PLSCR4: variants seen among roughly 807,000 people sequenced by gnomAD.
PLSCR4 encodes the protein phospholipid scramblase 4.
A neutral mutation model predicts 36.3 loss-of-function variants in PLSCR4; 25 were observed. The ratio of observed to expected loss-of-function variants is 0.69; its 90% CI spans 0.50 to 0.96. The LOEUF (loss-of-function observed/expected upper bound fraction) is 0.96, where lower values mean the gene tolerates loss of function less well. PLSCR4 is among the 40% of genes least tolerant of loss of function. The pLI, the probability that PLSCR4 is intolerant of heterozygous loss-of-function variation, is 0.00. For synonymous variants in PLSCR4, 122 were observed against 132.9 expected (o/e 0.92, Z 0.56); for missense variants, 408 against 414.7 (o/e 0.98, Z 0.14).
At chr3:146,246,003 TTAA>T (rs1175791057) in intron 1 of PLSCR4, among the ~76,000 whole-genome samples, 1 of 152,068 alleles carries the variant, frequency 6.6e-6, no homozygotes, top group East Asian at 1.9e-4. Flanking sequence ...TATGAGTGGA[TTAA>T]AGTCCAATGA....
At chr3:146,216,004 G>A (rs1182132497) in intron 3 of PLSCR4, among the ~76,000 whole-genome samples, 1 of 152,180 alleles carries the variant, frequency 6.6e-6, no homozygotes, top group African/African-American at 2.4e-5. Flanking sequence ...GCCGAGGTGA[G>A]TGGATCACCT....
At chr3:146,206,783 G>C in intron 3 of PLSCR4, 22 bp from the exon 4 acceptor site, 2 of 1,442,998 alleles carry the variant, frequency 1.4e-6, no homozygotes, top group Non-Finnish European at 1.9e-6. Context: ...AGAAATCAAA[G>C]TGTTATATAT....
In PLSCR4 at chr3:146,220,810, C is replaced by A. The variant is rs757100114; in HGVS notation, c.118+5G>T. On this transcript the variant is annotated splice_donor_5th_base_variant and intron_variant, in intron 3 of 8. Coordinates refer to ENST00000354952, the MANE Select transcript of PLSCR4 (RefSeq NM_020353.3). Reference sequence around the variant, plus strand: ...GAGAATATCTTTTATGAATATTTAACCCACCTGGTAAAAAATGAGAATTGT... The same window carrying A: ...GAGAATATCTTTTATGAATATTTAAACCACCTGGTAAAAAATGAGAATTGT... 7 of 1,540,922 alleles carry A rather than the reference C, an allele frequency of 4.5e-6. No homozygotes were observed. Among genetic ancestry groups the A allele is most frequent in the Non-Finnish European group, 1.8e-6 (2 of 1,114,852 alleles).
chr3:146,222,213 C>A (rs1222076273), intron 1 of PLSCR4, 121 bp from the exon 2 acceptor site: 2 of 389,798 alleles, frequency 5.1e-6, no homozygotes, highest in South Asian at 1.3e-4. Flanking sequence ...ACATTTGTCC[C>A]TTCATTAATT....
chr3:146,210,847 GT>G (rs33931243), intron 3 of PLSCR4, among the ~76,000 whole-genome samples: 52,314 of 147,898 alleles, frequency 0.35, 9,305 homozygotes, highest in South Asian at 0.46. Context: ...CTTTATGTCT[GT>G]TTTTTTTTTT....
chr3:146,213,523 A>G (rs1334928025), intron 3 of PLSCR4, among the ~76,000 whole-genome samples: 1 of 151,998 alleles, frequency 6.6e-6, no homozygotes, highest in African/African-American at 2.4e-5. Context: ...GGATTTCGCC[A>G]TGTTGGTCAG....
intron 4 of PLSCR4, among the ~76,000 whole-genome samples, chr3:146,201,420 GTC>G (rs1191028921): frequency 2.0e-5 from 3 of 151,986 alleles, no homozygotes; most frequent in Non-Finnish European, 4.4e-5. Context: ...CTACTCACTG[GTC>G]TCTCTACATG....
At chr3:146,213,444 G>A (rs1295548993) in intron 3 of PLSCR4, among the ~76,000 whole-genome samples, 1 of 145,750 alleles carries the variant, frequency 6.9e-6, no homozygotes, top group Admixed American at 7.3e-5. Flanking sequence ...CCATTCTCCT[G>A]TCTCAGTGTC....
chr3:146,206,550 A>C lies in PLSCR4; in HGVS notation c.330T>G (p.Pro110=). 1 of 1,612,336 alleles carries C rather than the reference A, an allele frequency of 6.2e-7. No individual in the cohort carries two copies. Among genetic ancestry groups the C allele is most frequent in the Non-Finnish European group, 8.5e-7 (1 of 1,178,548 alleles). The change falls in exon 4 of 9, where the codon CCT becomes CCG. Residue 110 remains proline, a synonymous_variant. Coordinates refer to ENST00000354952, the MANE Select transcript of PLSCR4 (RefSeq NM_020353.3). ...CCTGAACTAAGTATTCCAGACCAGGAGGGCAGTTTGCCATAGGAGTTGGCC... is the reference window on the plus strand; with the variant it reads ...CCTGAACTAAGTATTCCAGACCAGGCGGGCAGTTTGCCATAGGAGTTGGCC... The part of the protein sequence containing the change: ...MPGPTPMANC[P]PGLEYLVQLD...
At chr3:146,214,488 CAT>C (rs1356922689) in intron 3 of PLSCR4, among the ~76,000 whole-genome samples, 1 of 151,606 alleles carries the variant, frequency 6.6e-6, no homozygotes, top group South Asian at 2.1e-4. Context: ...TTCTTTAGCT[CAT>C]ATGTTTTGGC....
chr3:146,220,842 G>A lies in PLSCR4; in HGVS notation c.91C>T (p.Pro31Ser). The change falls in exon 3 of 9, where the codon CCT (proline) becomes TCT (serine). Residue 31 changes from proline to serine, a missense_variant. Physicochemically the swap from Pro to Ser is moderately conservative, Grantham distance 74. Coordinates refer to ENST00000354952, the MANE Select transcript of PLSCR4 (RefSeq NM_020353.3). ...GGTAAAAAATGAGAATTGTATTCAG[G>A]AGGAGCATCAGGCCTTGGATCTGGT... ...KPPDPRPDAP[P>S]EYNSHFLPGP... 1 of 1,611,316 alleles carries A rather than the reference G, an allele frequency of 6.2e-7. No individual in the cohort carries two copies. Among genetic ancestry groups the A allele is most frequent in the Non-Finnish European group, 8.5e-7 (1 of 1,177,626 alleles).
rs116266281 is a variant in PLSCR4, at chr3:146,204,277, A to G, written c.354+2249T>C. ...CTTCATGTGAGATCTCAAAAAGACT[A>G]GGGTAGATAGAGGAAAAAGATTGGC... is the stretch of plus-strand genomic sequence containing the variant. On this transcript the variant is annotated intron_variant, in intron 4 of 8. Coordinates refer to ENST00000354952, the MANE Select transcript of PLSCR4 (RefSeq NM_020353.3). Among the ~76,000 whole-genome samples the G allele has an allele frequency of 5.8e-3, 879 of 151,928 alleles. 11 individuals are homozygous for G. The highest frequency in any genetic ancestry group is 0.02 in the African/African-American group (844 of 41,430).
intron 1 of PLSCR4, among the ~76,000 whole-genome samples, chr3:146,233,490 T>G (rs2035800354): frequency 6.6e-6 from 1 of 152,104 alleles, no homozygotes; most frequent in Non-Finnish European, 1.5e-5. Flanking sequence ...TAGAGAAGTT[T>G]TAAGGCATTT....
At position 146,195,181 on chromosome 3, in the gene PLSCR4, G is replaced by A; in HGVS notation, c.888C>T (p.Phe296=). Residue 296 remains phenylalanine, a synonymous_variant, in exon 8 of 9, where the codon TTC becomes TTT. Coordinates refer to ENST00000354952, the MANE Select transcript of PLSCR4 (RefSeq NM_020353.3). The part of the protein sequence containing the change: ...MADADHFDIH[F]PLDLDVKMKA... ...TCATCTTCACATCCAGGTCTAGTGG[G>A]AAGTGAATGTCAAAATGGTCAGCAT... 1 of 1,613,828 alleles carries A rather than the reference G, an allele frequency of 6.2e-7. No homozygotes were observed. The highest frequency in any genetic ancestry group is 8.5e-7 in the Non-Finnish European group (1 of 1,179,784).
At chr3:146,207,541 G>A (rs1443937473) in intron 3 of PLSCR4, among the ~76,000 whole-genome samples, 2 of 151,860 alleles carry the variant, frequency 1.3e-5, no homozygotes, top group Non-Finnish European at 2.9e-5. Flanking sequence ...GAGTGAAGGG[G>A]GAGAGAGAGA....
intron 1 of PLSCR4, among the ~76,000 whole-genome samples, chr3:146,246,115 G>A (rs2036328648): frequency 6.6e-6 from 1 of 152,044 alleles, no homozygotes; most frequent in Non-Finnish European, 1.5e-5. Flanking sequence ...TTGCACAAAA[G>A]ATAAACCTAG....
At chr3:146,205,968 G>C (rs2034306128) in intron 4 of PLSCR4, among the ~76,000 whole-genome samples, 1 of 152,030 alleles carries the variant, frequency 6.6e-6, no homozygotes, top group African/African-American at 2.4e-5. Context: ...TATCTACATA[G>C]ATGTTAATTA....
intron 1 of PLSCR4, among the ~76,000 whole-genome samples, chr3:146,225,248 C>G (rs6792166): frequency 0.36 from 54,971 of 151,284 alleles, 10,009 homozygotes; most frequent in African/African-American, 0.41. Context: ...ACAGAGTGTC[C>G]ATTGGTGCAC....
chr3:146,228,433 TG>T (rs1160995638), intron 1 of PLSCR4, among the ~76,000 whole-genome samples: 4 of 151,986 alleles, frequency 2.6e-5, no homozygotes, highest in Non-Finnish European at 5.9e-5. Flanking sequence ...TGGGATTTCA[TG>T]AGCATTGTTT....
Sources: allele counts gnomAD v4.1 joint callset (sites outside exome capture counted in the v4.1 genomes callset), GRCh38; gene constraint gnomAD v4.1.1; transcripts MANE v1.5; gene names NCBI Gene and HGNC (gene_info 2026-07-23, HGNC 2026-07-21).